Variants in RHBDD1 observed in about 807,000 individuals in gnomAD.
RHBDD1 encodes rhomboid domain containing 1.
Under a neutral mutation model 36.3 loss-of-function variants are expected in RHBDD1, and 38 were observed. The observed-to-expected ratio is 1.05, with a 90% CI of 0.81 to 1.37. The LOEUF is 1.37. Among genes scored for constraint, RHBDD1 ranks in the 40% most tolerant of loss-of-function variants. RHBDD1 has a pLI of 0.00. For missense variants in RHBDD1, 393 were observed against 377.6 expected (o/e 1.04, Z -0.34); for synonymous variants, 151 against 136.5 (o/e 1.11, Z -0.74).
chr2:226,894,075 GT>G (rs1471668545), intron 5 of RHBDD1, among the ~76,000 whole-genome samples: 2 of 152,136 alleles, frequency 1.3e-5, no homozygotes, highest in Non-Finnish European at 2.9e-5. Context: ...GGAATTAAGA[GT>G]TTTTTAACCT....
intron 7 of RHBDD1, among the ~76,000 whole-genome samples, chr2:226,910,479 T>C (rs946525038): frequency 6.6e-6 from 1 of 152,100 alleles, no homozygotes; most frequent in Non-Finnish European, 1.5e-5. Flanking sequence ...TGTCCTTAGC[T>C]GGAAAAGTCT....
At chr2:226,873,864 G>T (rs2125320964) in intron 5 of RHBDD1, among the ~76,000 whole-genome samples, 1 of 152,226 alleles carries the variant, frequency 6.6e-6, no homozygotes, top group Non-Finnish European at 1.5e-5. Flanking sequence ...GGGTGGGTCT[G>T]TTTTCACACT....
At chr2:226,851,743 C>CT (rs1942837138) in intron 3 of RHBDD1, among the ~76,000 whole-genome samples, 1 of 152,124 alleles carries the variant, frequency 6.6e-6, no homozygotes, top group Admixed American at 6.5e-5. Flanking sequence ...ACACATGAGC[C>CT]TTTTTGTTGT....
Position 226,909,601 on chromosome 2 carries a change from A to T in RHBDD1, c.712+723A>T, listed in dbSNP as rs10180625. 9.8e-3 allele frequency among the ~76,000 whole-genome samples: 1,491 copies of T among 152,094 alleles called. 25 individuals carry two copies. Among genetic ancestry groups the T allele is most frequent in the African/African-American group, 0.034 (1,425 of 41,468 alleles). The stretch of plus-strand genomic sequence containing the variant: ...AGTAGGGTAGGAGTTTGGGGAAAAA[A>T]TTAGGTCATGAGGGTAGGGCCCTCA... On this transcript the variant is annotated intron_variant, in intron 7 of 8. Coordinates refer to ENST00000392062, the MANE Select transcript of RHBDD1 (RefSeq NM_001167608.3).
intron 3 of RHBDD1, among the ~76,000 whole-genome samples, chr2:226,854,318 C>T (rs1361945798): frequency 1.3e-5 from 2 of 152,026 alleles, no homozygotes; most frequent in African/African-American, 2.4e-5. Flanking sequence ...AAGGGCCGGG[C>T]GTGGTGGCTC....
chr2:226,991,654 TCAA>T (rs1025822866), intron 8 of RHBDD1, among the ~76,000 whole-genome samples: 1 of 152,164 alleles, frequency 6.6e-6, no homozygotes, highest in African/African-American at 2.4e-5. Flanking sequence ...TTCTAATCCT[TCAA>T]CAACCCAACA....
At chr2:226,822,896 C>T in the RHBDD1 span, among the ~76,000 whole-genome samples, 46 of 151,918 alleles carry the variant, frequency 3.0e-4, no homozygotes, top group Middle Eastern at 3.5e-3. Flanking sequence ...GAGGTTGGGG[C>T]GGGTAGATCA....
At chr2:226,873,441 A>G (rs901449026) in intron 5 of RHBDD1, among the ~76,000 whole-genome samples, 4 of 152,168 alleles carry the variant, frequency 2.6e-5, no homozygotes, top group Admixed American at 6.6e-5. Context: ...TCACTTTCAC[A>G]AGTATAAAAG....
chr2:226,806,093 C>T, the RHBDD1 span, among the ~76,000 whole-genome samples: 1 of 151,910 alleles, frequency 6.6e-6, no homozygotes, highest in Non-Finnish European at 1.5e-5. Context: ...TCTCTTTCTT[C>T]TTCTTCTTTT....
intron 8 of RHBDD1, among the ~76,000 whole-genome samples, chr2:226,980,566 A>G (rs1038138620): frequency 1.3e-5 from 2 of 152,200 alleles, no homozygotes; most frequent in African/African-American, 2.4e-5. Flanking sequence ...CATGATATTT[A>G]TGATGTCATC....
chr2:226,888,622 T>G (rs1946431909), intron 5 of RHBDD1, among the ~76,000 whole-genome samples: 1 of 152,076 alleles, frequency 6.6e-6, no homozygotes, highest in Non-Finnish European at 1.5e-5. Context: ...TTTTTTTTTC[T>G]TTTTAAGGTG....
At chr2:226,857,087 G>C (rs1943402110) in intron 3 of RHBDD1, among the ~76,000 whole-genome samples, 1 of 131,678 alleles carries the variant, frequency 7.6e-6, no homozygotes, top group South Asian at 2.2e-4. Context: ...TCTGTAGAAA[G>C]TGTAAGAGAG....
intron 2 of RHBDD1, among the ~76,000 whole-genome samples, chr2:226,838,612 G>T (rs984478387): frequency 2.0e-4 from 31 of 151,950 alleles, no homozygotes; most frequent in Admixed American, 5.9e-4. Flanking sequence ...GTTGTGTGTC[G>T]GACAAAGGGA....
At chr2:226,851,052 T>G (rs1001929212) in intron 3 of RHBDD1, among the ~76,000 whole-genome samples, 11 of 152,280 alleles carry the variant, frequency 7.2e-5, no homozygotes, top group South Asian at 4.2e-4. Flanking sequence ...CCCTATGCCT[T>G]TCTTTCTGTT....
chr2:226,965,698 G>T (rs13385711), intron 8 of RHBDD1, among the ~76,000 whole-genome samples: 65,426 of 151,798 alleles, frequency 0.43, 14,177 homozygotes, highest in South Asian at 0.52. Context: ...AGTCTCAGAG[G>T]TGTATACATT....
intron 8 of RHBDD1, among the ~76,000 whole-genome samples, chr2:226,939,897 T>C (rs1317264565): frequency 6.6e-6 from 1 of 152,070 alleles, no homozygotes; most frequent in Non-Finnish European, 1.5e-5. Flanking sequence ...CAAAACAGTA[T>C]GGTAGTGGCA....
chr2:226,852,970 T>C (rs1332555142), intron 3 of RHBDD1, among the ~76,000 whole-genome samples: 1 of 149,842 alleles, frequency 6.7e-6, no homozygotes, highest in Non-Finnish European at 1.5e-5. Context: ...GGTCTTGCTA[T>C]GTTTTCCAGG....
intron 8 of RHBDD1, among the ~76,000 whole-genome samples, chr2:226,918,810 T>C (rs1949100857): frequency 6.6e-6 from 1 of 152,104 alleles, no homozygotes; most frequent in African/African-American, 2.4e-5. Context: ...AATTATTTCC[T>C]TTCTTTTGGG....
intron 8 of RHBDD1, among the ~76,000 whole-genome samples, chr2:226,973,653 T>C (rs966613740): frequency 3.9e-5 from 6 of 152,196 alleles, no homozygotes; most frequent in African/African-American, 1.4e-4. Context: ...CAAAGGTAAG[T>C]TAGATCAAGA....
Sources: allele counts gnomAD v4.1 joint callset (sites outside exome capture counted in the v4.1 genomes callset), GRCh38; gene constraint gnomAD v4.1.1; transcripts MANE v1.5; gene names NCBI Gene and HGNC (gene_info 2026-07-23, HGNC 2026-07-21).